The following NMNAT3 variants were observed in gnomAD, a reference collection of about 807,000 sequenced individuals.
NMNAT3 encodes the protein nicotinamide nucleotide adenylyltransferase 3.
In NMNAT3, 21 loss-of-function variants were observed where a neutral mutation model predicts 24.8. The ratio of observed to expected loss-of-function variants is 0.85; its 90% CI spans 0.60 to 1.22. The LOEUF (loss-of-function observed/expected upper bound fraction) is 1.22. Among genes scored for constraint, NMNAT3 ranks in the 50% most tolerant of loss-of-function variants. The pLI, the probability that NMNAT3 is intolerant of heterozygous loss-of-function variation, is 0.00. For missense variants in NMNAT3, 387 were observed against 436.6 expected (o/e 0.89, Z 1.01); for synonymous variants, 136 against 155.2 (o/e 0.88, Z 0.92).
At chr3:139,563,601 C>G (rs562348161) in intron 6 of NMNAT3, among the ~76,000 whole-genome samples, 1 of 152,258 alleles carries the variant, frequency 6.6e-6, no homozygotes, top group South Asian at 2.1e-4. Flanking sequence ...TCCCCTGCCC[C>G]CCAAATCAAA....
chr3:139,594,732 T>C (rs1342030253), intron 3 of NMNAT3, among the ~76,000 whole-genome samples: 2 of 152,182 alleles, frequency 1.3e-5, no homozygotes, highest in Admixed American at 1.3e-4. Flanking sequence ...TCTCAATAGA[T>C]GCAGAAAAGG....
chr3:139,635,239 C>G (rs1035525460), intron 2 of NMNAT3: 3 of 152,224 alleles, frequency 2.0e-5, no homozygotes, highest in Non-Finnish European at 2.9e-5. Flanking sequence ...CTTGGACACA[C>G]ATTCGGCATC....
At chr3:139,667,105 G>A (rs2057607372) in intron 1 of NMNAT3, among the ~76,000 whole-genome samples, 2 of 152,038 alleles carry the variant, frequency 1.3e-5, no homozygotes, top group South Asian at 2.1e-4. Flanking sequence ...CTTTCTTTTG[G>A]GTACATACCC....
intron 3 of NMNAT3, among the ~76,000 whole-genome samples, chr3:139,606,322 A>C (rs2054942070): frequency 6.6e-6 from 1 of 152,182 alleles, no homozygotes; most frequent in African/African-American, 2.4e-5. Context: ...AACATCCCTC[A>C]GTTTGGTTGG....
At chr3:139,628,355 T>C (rs2056147831) in intron 2 of NMNAT3, among the ~76,000 whole-genome samples, 2 of 152,360 alleles carry the variant, frequency 1.3e-5, no homozygotes, top group Admixed American at 1.3e-4. Context: ...CATACATACC[T>C]GTTTATAAAT....
chr3:139,648,917 TTATAA>T (rs113533154), intron 1 of NMNAT3, among the ~76,000 whole-genome samples: 13,151 of 152,218 alleles, frequency 0.086, 910 homozygotes, highest in East Asian at 0.22. Context: ...GCAATCTGTG[TTATAA>T]TATACAGAAA....
chr3:139,659,807 C>T (rs1428844616), intron 1 of NMNAT3, among the ~76,000 whole-genome samples: 1 of 152,332 alleles, frequency 6.6e-6, no homozygotes, highest in Admixed American at 6.5e-5. Context: ...TTTAAAACTC[C>T]CCAGGTGATT....
intron 3 of NMNAT3, among the ~76,000 whole-genome samples, chr3:139,593,231 A>G (rs2054283277): frequency 6.6e-6 from 1 of 152,260 alleles, no homozygotes; most frequent in South Asian, 2.1e-4. Flanking sequence ...GAAGGCCATT[A>G]CATCATGGTA....
intron 1 of NMNAT3, among the ~76,000 whole-genome samples, chr3:139,666,250 A>T (rs953596967): frequency 6.6e-6 from 1 of 152,120 alleles, no homozygotes; most frequent in Admixed American, 6.5e-5. Flanking sequence ...AATATGGCAA[A>T]AGTGATACTA....
intron 6 of NMNAT3, among the ~76,000 whole-genome samples, chr3:139,563,805 A>G (rs1191737665): frequency 6.6e-6 from 1 of 152,208 alleles, no homozygotes; most frequent in African/African-American, 2.4e-5. Flanking sequence ...GAGTGACTCT[A>G]TCCAAGTCCT....
intron 3 of NMNAT3, among the ~76,000 whole-genome samples, chr3:139,598,809 T>C (rs963646450): frequency 6.6e-6 from 1 of 152,102 alleles, no homozygotes; most frequent in African/African-American, 2.4e-5. Flanking sequence ...TACCTGAAAA[T>C]GGTAGGCTTG....
chr3:139,601,289 C>CCTGTTA (rs2054702327), intron 3 of NMNAT3, among the ~76,000 whole-genome samples: 1 of 152,190 alleles, frequency 6.6e-6, no homozygotes. Flanking sequence ...AATTTGAGGT[C>CCTGTTA]CAGCATGCAG....
At chr3:139,614,994 T>A (rs777240250) in intron 3 of NMNAT3, among the ~76,000 whole-genome samples, 8 of 152,242 alleles carry the variant, frequency 5.3e-5, no homozygotes, top group Non-Finnish European at 7.3e-5. Flanking sequence ...TTTGCATTTG[T>A]TTGTTCATTT....
At chr3:139,659,056 C>A (rs1027747859) in intron 1 of NMNAT3, among the ~76,000 whole-genome samples, 11 of 152,178 alleles carry the variant, frequency 7.2e-5, no homozygotes, top group African/African-American at 4.8e-5. Context: ...TTTTACTCAG[C>A]ACAATGTTTC....
intron 1 of NMNAT3, among the ~76,000 whole-genome samples, chr3:139,673,900 G>A (rs760636434): frequency 2.0e-5 from 3 of 152,066 alleles, no homozygotes; most frequent in Admixed American, 6.6e-5. Flanking sequence ...GTAATTCAGC[G>A]TGGCCAGAGA....
chr3:139,652,731 G>A (rs1342782346), intron 1 of NMNAT3, among the ~76,000 whole-genome samples: 1 of 152,190 alleles, frequency 6.6e-6, no homozygotes, highest in Non-Finnish European at 1.5e-5. Flanking sequence ...GAAAGCAAAA[G>A]CAAACAGATG....
chr3:139,649,509 C>A (rs1479640133), intron 1 of NMNAT3, among the ~76,000 whole-genome samples: 1 of 152,196 alleles, frequency 6.6e-6, no homozygotes, highest in Non-Finnish European at 1.5e-5. Flanking sequence ...CTCAGTTTCA[C>A]ACAAAAGCCA....
At chr3:139,641,119 A>G (rs1211690616) in intron 1 of NMNAT3, among the ~76,000 whole-genome samples, 1 of 152,188 alleles carries the variant, frequency 6.6e-6, no homozygotes, top group Admixed American at 6.5e-5. Flanking sequence ...CTGGCAGAAC[A>G]TGTCCTGTCC....
At chr3:139,578,384 T>G (rs1481062189) in intron 5 of NMNAT3, among the ~76,000 whole-genome samples, 3 of 152,226 alleles carry the variant, frequency 2.0e-5, no homozygotes, top group South Asian at 4.1e-4. Context: ...AAAAGACAGC[T>G]TATTCTATAG....
Sources: gnomAD v4.1 joint callset for allele counts (sites outside exome capture counted in the v4.1 genomes callset) on GRCh38, gnomAD v4.1.1 for gene constraint, MANE v1.5 for transcripts, NCBI Gene and HGNC (gene_info 2026-07-23, HGNC 2026-07-21) for gene names.